Variants in CAPRIN1 observed in about 807,000 individuals in gnomAD.
The protein encoded by CAPRIN1 is caprin-1.
CAPRIN1 carries 29 observed loss-of-function variants against 100.9 expected under a neutral mutation model. That is an observed-to-expected ratio of 0.29 (90% confidence interval 0.21 to 0.39). The LOEUF (loss-of-function observed/expected upper bound fraction) is 0.39, where lower values mean the gene tolerates loss of function less well. CAPRIN1 is among the 10% of genes least tolerant of loss of function. The pLI, the probability that CAPRIN1 is intolerant of heterozygous loss-of-function variation, is 1.00. For synonymous variants in CAPRIN1, 338 were observed against 307.5 expected (o/e 1.10, Z -1.04); for missense variants, 795 against 876.7 (o/e 0.91, Z 1.18).
chr11:34,054,858 TTAA>T (rs764971598), intron 2 of CAPRIN1, among the ~76,000 whole-genome samples: 5 of 152,206 alleles, frequency 3.3e-5, no homozygotes, highest in Non-Finnish European at 5.9e-5. Flanking sequence ...ATTGTGAACA[TTAA>T]TAATGTGTTA....
intron 2 of CAPRIN1, among the ~76,000 whole-genome samples, chr11:34,058,394 C>A (rs909914806): frequency 1.3e-5 from 2 of 152,174 alleles, no homozygotes; most frequent in African/African-American, 4.8e-5. Flanking sequence ...GCCTTGGCCT[C>A]CCAAAGTGCT....
chr11:34,071,975 A>C lies in CAPRIN1; in HGVS notation c.354A>C (p.Ala118=). The C allele has an allele frequency of 6.2e-7, 1 of 1,605,786 alleles. No individual in the cohort carries two copies. The highest frequency in any genetic ancestry group is 2.2e-5 in the East Asian group (1 of 44,786). The change falls in exon 4 of 19, where the codon GCA becomes GCC. Residue 118 remains alanine (A), a synonymous_variant. Transcript: ENST00000341394. ...FAKELQRSFM[A]LSQDIQKTIK... ...AAGAATTACAGAGGAGTTTCATGGC[A>C]CTAAGTCAAGATGTAAGTAAAAGAA... is the stretch of plus-strand genomic sequence containing the variant.
At chr11:34,099,056 A>G in intron 18 of CAPRIN1, 4 of 1,373,808 alleles carry the variant, frequency 2.9e-6, no homozygotes, top group Non-Finnish European at 3.8e-6. Flanking sequence ...TGTTGAATGA[A>G]TGAATGAATG....
intron 11 of CAPRIN1, 125 bp downstream of exon 11, chr11:34,086,538 T>C (rs1263834240): frequency 1.7e-6 from 1 of 579,568 alleles, no homozygotes; most frequent in Non-Finnish European, 3.0e-6. Flanking sequence ...TTAGGTCTTT[T>C]AATTTGATAG....
intron 2 of CAPRIN1, among the ~76,000 whole-genome samples, chr11:34,059,798 T>A (rs1474825744): frequency 6.6e-6 from 1 of 152,150 alleles, no homozygotes; most frequent in Non-Finnish European, 1.5e-5. Context: ...AGTGTTTTTT[T>A]ATTGAAATTG....
At chr11:34,056,203 ATTC>A (rs1850447035) in intron 2 of CAPRIN1, among the ~76,000 whole-genome samples, 1 of 152,198 alleles carries the variant, frequency 6.6e-6, no homozygotes, top group Non-Finnish European at 1.5e-5. Context: ...ATCTTGACCT[ATTC>A]TTATCGGAGC....
chr11:34,096,044 A>G (rs1851362074), intron 15 of CAPRIN1: 1 of 152,524 alleles, frequency 6.6e-6, no homozygotes, highest in Admixed American at 6.5e-5. Flanking sequence ...AAAAAAAAGG[A>G]TATTTAAAAG....
At chr11:34,075,915 G>A (rs987477091) in intron 4 of CAPRIN1, among the ~76,000 whole-genome samples, 17 of 152,080 alleles carry the variant, frequency 1.1e-4, no homozygotes, top group African/African-American at 4.1e-4. Context: ...ATGGTCAATC[G>A]TATTTCATAT....
intron 4 of CAPRIN1, among the ~76,000 whole-genome samples, chr11:34,072,488 A>G (rs571499076): frequency 6.6e-6 from 1 of 152,198 alleles, no homozygotes; most frequent in Non-Finnish European, 1.5e-5. Context: ...TTTATTTATC[A>G]TGTTCCTTAT....
chr11:34,079,766 G>T lies in CAPRIN1; in HGVS notation c.826+1G>T. 6.2e-7 allele frequency: 1 copy of T among 1,613,872 alleles called. No individual in the cohort carries two copies. Among genetic ancestry groups the T allele is most frequent in the Non-Finnish European group, 8.5e-7 (1 of 1,179,910 alleles). ...GTTGAAGACCAGGTACCTGAAGCTG[G>T]TGAGTATTAGGTGGATATCAACTTT... On this transcript the variant is annotated splice_donor_variant, in intron 7 of 18. Coordinates refer to ENST00000341394, the MANE Select transcript of CAPRIN1 (RefSeq NM_005898.5). LOFTEE classifies it high-confidence loss of function.
chr11:34,052,527 C>T lies in CAPRIN1; in HGVS notation c.107C>T (p.Ala36Val), dbSNP rs1252643324. 1 of 1,605,304 alleles carries T rather than the reference C, an allele frequency of 6.2e-7. No homozygotes were observed. Among genetic ancestry groups the T allele is most frequent in the East Asian group, 2.2e-5 (1 of 44,578 alleles). The change falls in exon 2 of 19, where the codon GCG becomes GTG. Residue 36 changes from alanine to valine, a missense_variant. Ala to Val is a moderately conservative substitution (Grantham distance 64, BLOSUM62 0). Around this residue, in one of 3 missense-constraint regions of CAPRIN1, gnomAD observed 109 missense variants for 86.6 expected, o/e 1.26. Coordinates refer to ENST00000341394, the MANE Select transcript of CAPRIN1 (RefSeq NM_005898.5). Reference protein sequence around the residue: ...SEAAAGAGAAAPASQHPATGT... With the variant: ...SEAAAGAGAAVPASQHPATGT... The stretch of plus-strand genomic sequence containing the variant: ...GCGGCCGCGGGAGCCGGGGCCGCCG[C>T]GCCGGCTTCTCAGCACCCCGCAACC...
intron 6 of CAPRIN1, among the ~76,000 whole-genome samples, chr11:34,079,059 G>T (rs1433267715): frequency 6.6e-6 from 1 of 152,122 alleles, no homozygotes; most frequent in Admixed American, 6.5e-5. Flanking sequence ...AAATACTTTT[G>T]AATGAATAAA....
At chr11:34,068,722 A>G (rs1462896932) in intron 2 of CAPRIN1, among the ~76,000 whole-genome samples, 4 of 152,242 alleles carry the variant, frequency 2.6e-5, no homozygotes, top group Non-Finnish European at 5.9e-5. Context: ...TTAAGTGTAT[A>G]AAACAAAGCA....
chr11:34,061,196 C>G (rs982610586), intron 2 of CAPRIN1, among the ~76,000 whole-genome samples: 5 of 141,730 alleles, frequency 3.5e-5, no homozygotes, highest in Non-Finnish European at 6.1e-5. Context: ...CCTTAGGTAA[C>G]ATCCTTTTTT....
rs575578419 is a variant in CAPRIN1, at chr11:34,052,319, C to A, written c.1-102C>A. The A allele has an allele frequency of 4.0e-6, 4 of 995,034 alleles. No homozygotes were observed. In the East Asian group the frequency reaches 1.1e-4, roughly 26 times the overall value. 61.6% of individuals were successfully genotyped at this position (995,034 alleles called of 1,614,324 possible). A position where few individuals can be genotyped will look rare whatever the true frequency, so the allele number is the denominator to read the frequency against. On this transcript the variant is annotated intron_variant, in intron 1 of 18. Coordinates refer to ENST00000341394, the MANE Select transcript of CAPRIN1 (RefSeq NM_005898.5). ...TCCCCCACCCGCTCGCGTAGGCTACCGCTCGCTGCGCGTTTTGTCCCGCGT... is the reference window on the plus strand; with the variant it reads ...TCCCCCACCCGCTCGCGTAGGCTACAGCTCGCTGCGCGTTTTGTCCCGCGT...
chr11:34,062,624 CAAA>C (rs36059851), intron 2 of CAPRIN1, among the ~76,000 whole-genome samples: 33 of 100,566 alleles, frequency 3.3e-4, no homozygotes, highest in Admixed American at 4.3e-4. Context: ...AACTCCGTCT[CAAA>C]AAAAAAAAAA....
chr11:34,053,196 C>T (rs575526373), intron 2 of CAPRIN1: 198 of 980,408 alleles, frequency 2.0e-4, no homozygotes, highest in South Asian at 4.7e-4. Context: ...GTAGAACTGC[C>T]TTTCCGGCAG....
At chr11:34,073,353 C>T (rs1200131825) in intron 4 of CAPRIN1, among the ~76,000 whole-genome samples, 1 of 152,176 alleles carries the variant, frequency 6.6e-6, no homozygotes, top group Non-Finnish European at 1.5e-5. Flanking sequence ...ATCACAGTGC[C>T]TCGGTTTTCT....
At chr11:34,098,002 G>GA in intron 18 of CAPRIN1, 15 of 1,189,974 alleles carry the variant, frequency 1.3e-5, no homozygotes, top group Non-Finnish European at 1.6e-5. Flanking sequence ...TCTCTTCTCA[G>GA]AAAAAGTGTT....
Sources: allele counts gnomAD v4.1 joint callset (sites outside exome capture counted in the v4.1 genomes callset), GRCh38; gene constraint gnomAD v4.1.1; regional missense constraint gnomAD v4.1.1; transcripts MANE v1.5; gene names NCBI Gene and HGNC (gene_info 2026-07-23, HGNC 2026-07-21).